Variants in METTL15 observed in about 807,000 individuals in gnomAD.
The protein encoded by METTL15 is 12S rRNA N(4)-cytidine methyltransferase METTL15.
Under a neutral mutation model 38.3 loss-of-function variants are expected in METTL15, and 34 were observed. The ratio of observed to expected loss-of-function variants is 0.89; its 90% CI spans 0.68 to 1.18. The LOEUF is 1.18. Among genes scored for constraint, METTL15 ranks in the 50% most tolerant of loss-of-function variants. The pLI is 0.00. For missense variants in METTL15, 438 were observed against 498.4 expected, an observed-to-expected ratio of 0.88 and a Z score of 1.15; for synonymous variants, 162 against 170.9, an observed-to-expected ratio of 0.95 and a Z score of 0.41.
At chr11:28,294,129 G>A (rs554149366) in intron 5 of METTL15, among the ~76,000 whole-genome samples, 1 of 152,270 alleles carries the variant, frequency 6.6e-6, no homozygotes, top group African/African-American at 2.4e-5. Context: ...TCCCTGTCTT[G>A]TGCCAATTTT....
At chr11:28,500,024 T>G (rs947505598) in intron 6 of METTL15, among the ~76,000 whole-genome samples, 1 of 143,380 alleles carries the variant, frequency 7.0e-6, no homozygotes. Flanking sequence ...TTTTTTTTTG[T>G]CTGTGGCAAA....
At chr11:28,227,633 G>A (rs1211935199) in intron 4 of METTL15, among the ~76,000 whole-genome samples, 1 of 151,950 alleles carries the variant, frequency 6.6e-6, no homozygotes, top group Non-Finnish European at 1.5e-5. Flanking sequence ...TTAGGGCTAG[G>A]CTATACAGGA....
At chr11:28,499,668 A>T (rs1022155230) in intron 6 of METTL15, among the ~76,000 whole-genome samples, 6 of 152,110 alleles carry the variant, frequency 3.9e-5, no homozygotes, top group African/African-American at 1.2e-4. Flanking sequence ...ACCAGAGATC[A>T]CTTTGAGTTA....
At chr11:28,236,115 A>G (rs1853954282) in intron 4 of METTL15, among the ~76,000 whole-genome samples, 1 of 151,958 alleles carries the variant, frequency 6.6e-6, no homozygotes, top group South Asian at 2.1e-4. Flanking sequence ...ACATTTATTG[A>G]TTTGCGTATA....
At chr11:28,355,685 A>C (rs1008724038) in intron 4 of METTL15, among the ~76,000 whole-genome samples, 1 of 152,194 alleles carries the variant, frequency 6.6e-6, no homozygotes, top group Non-Finnish European at 1.5e-5. Flanking sequence ...GAAGATTTGC[A>C]TAAGTTATAT....
intron 3 of METTL15, among the ~76,000 whole-genome samples, chr11:28,187,961 A>C (rs1851560901): frequency 6.6e-6 from 1 of 151,310 alleles, no homozygotes; most frequent in Admixed American, 6.6e-5. Context: ...TTGAGAATAT[A>C]TTATTTAAAT....
chr11:28,134,277 G>A lies in METTL15; in HGVS notation c.270+20673G>A, dbSNP rs1252411693. Among the ~76,000 whole-genome samples, 4 of 152,232 alleles carry A rather than the reference G, an allele frequency of 2.6e-5. No homozygotes were observed. In the South Asian group the frequency reaches 6.2e-4, roughly 24 times the overall value. On this transcript the variant is annotated intron_variant, in intron 3 of 6. Transcript: ENST00000407364. ...AGAGGGGTCCTGAAAGCAGGTTGCC[G>A]GTTGCCCACTTCACAGTTGAATAAA...
At chr11:28,240,073 A>G (rs1854224391) in intron 4 of METTL15, among the ~76,000 whole-genome samples, 1 of 152,202 alleles carries the variant, frequency 6.6e-6, no homozygotes, top group Non-Finnish European at 1.5e-5. Context: ...CAACAAACAT[A>G]GCAAGTAAAA....
chr11:28,188,702 A>G (rs939955335), intron 3 of METTL15, among the ~76,000 whole-genome samples: 3 of 151,002 alleles, frequency 2.0e-5, no homozygotes, highest in African/African-American at 7.3e-5. Flanking sequence ...CCCTGCGTAC[A>G]CTCATTTAGC....
At chr11:28,491,370 A>C (rs1005785990) in intron 6 of METTL15, among the ~76,000 whole-genome samples, 1 of 152,110 alleles carries the variant, frequency 6.6e-6, no homozygotes, top group African/African-American at 2.4e-5. Context: ...TAGGAGCTTG[A>C]GCACAAGAAA....
At chr11:28,499,844 A>G (rs1851567998) in intron 6 of METTL15, among the ~76,000 whole-genome samples, 1 of 152,172 alleles carries the variant, frequency 6.6e-6, no homozygotes, top group African/African-American at 2.4e-5. Context: ...CAGTCATAAG[A>G]AAAAATAAGA....
intron 6 of METTL15, among the ~76,000 whole-genome samples, chr11:28,489,225 C>G (rs1851473056): frequency 6.6e-6 from 1 of 152,102 alleles, no homozygotes; most frequent in Non-Finnish European, 1.5e-5. Flanking sequence ...CAGTACAGGC[C>G]ACATGTTTGG....
intron 5 of METTL15, among the ~76,000 whole-genome samples, chr11:28,423,011 C>A (rs760453426): frequency 4.6e-5 from 7 of 151,412 alleles, no homozygotes; most frequent in Non-Finnish European, 1.0e-4. Context: ...GGAAAAAAAA[C>A]AATAATCCAA....
At chr11:28,497,469 C>T (rs61165324) in intron 6 of METTL15, among the ~76,000 whole-genome samples, 576 of 152,300 alleles carry the variant, frequency 3.8e-3, no homozygotes, top group African/African-American at 0.013. Flanking sequence ...TGAATTCAGA[C>T]GCTTTTTCTG....
chr11:28,381,317 G>A (rs1427829356), intron 5 of METTL15, among the ~76,000 whole-genome samples: 1 of 152,082 alleles, frequency 6.6e-6, no homozygotes, highest in African/African-American at 2.4e-5. Context: ...TGACATTTGA[G>A]AGTTTTATTA....
chr11:28,179,967 A>G (rs560030744), intron 3 of METTL15, among the ~76,000 whole-genome samples: 2 of 151,900 alleles, frequency 1.3e-5, no homozygotes, highest in South Asian at 4.1e-4. Flanking sequence ...TGTCATTGGT[A>G]TTAATTTGTA....
intron 6 of METTL15, among the ~76,000 whole-genome samples, chr11:28,456,422 T>C (rs1337635524): frequency 4.1e-5 from 6 of 146,292 alleles, no homozygotes; most frequent in Admixed American, 4.0e-4. Context: ...CCCAGGGTTG[T>C]TTTTTTTTTT....
intron 5 of METTL15, among the ~76,000 whole-genome samples, chr11:28,422,384 A>G (rs962830193): frequency 1.3e-5 from 2 of 152,118 alleles, no homozygotes; most frequent in African/African-American, 4.8e-5. Context: ...ATCCAAAACT[A>G]TACTGAGCAA....
Position 28,308,331 on chromosome 11 carries a change from C to T in METTL15, c.778+11400C>T, listed in dbSNP as rs576582060. Among the ~76,000 whole-genome samples, 5 of 152,180 alleles carry T rather than the reference C, an allele frequency of 3.3e-5. No individual in the cohort carries two copies. In the South Asian group the frequency reaches 8.3e-4, roughly 25 times the overall value. ...TGAAAATATCAGACTTTATTTCTAG[C>T]CATACTTTTTTCCTCCCATTCTCTC... is the stretch of plus-strand genomic sequence containing the variant. On this transcript the variant is annotated intron_variant, in intron 6 of 6. Transcript: ENST00000407364.
Sources: gnomAD v4.1 joint callset for allele counts (sites outside exome capture counted in the v4.1 genomes callset) on GRCh38, gnomAD v4.1.1 for gene constraint, MANE v1.5 for transcripts, NCBI Gene and HGNC (gene_info 2026-07-23, HGNC 2026-07-21) for gene names.